Variants in CTNNA3 observed in about 807,000 individuals in gnomAD.
CTNNA3 encodes catenin alpha-3.
In CTNNA3, 76 loss-of-function variants were observed where a neutral mutation model predicts 95.7. The observed-to-expected ratio is 0.79, with a 90% CI of 0.66 to 0.96. The LOEUF (loss-of-function observed/expected upper bound fraction) is 0.96. Among genes scored for constraint, CTNNA3 ranks in the 40% least tolerant of loss-of-function variants. CTNNA3 has a pLI of 0.00. For missense variants in CTNNA3, 1,191 were observed against 1,089.8 expected, an observed-to-expected ratio of 1.09 and a Z score of -1.31; for synonymous variants, 431 against 374.4, an observed-to-expected ratio of 1.15 and a Z score of -1.74.
At chr10:66,806,533 A>C (rs1841651122) in intron 7 of CTNNA3, among the ~76,000 whole-genome samples, 1 of 151,986 alleles carries the variant, frequency 6.6e-6, no homozygotes, top group South Asian at 2.1e-4. Flanking sequence ...CTTACTTACC[A>C]AAGTTTTATT....
chr10:66,619,420 A>T lies in CTNNA3; in HGVS notation c.1374+2272T>A. 1.6e-5 allele frequency among the ~76,000 whole-genome samples: 2 copies of T among 128,718 alleles called. 1 individual carries two copies. The highest frequency in any genetic ancestry group is 3.5e-5 in the Non-Finnish European group (2 of 57,454). The allele number at this position is 128,718 out of a possible 152,430, so 84.4% of individuals were successfully genotyped here. On this transcript the variant is annotated intron_variant, in intron 10 of 17. Transcript: ENST00000433211. Reference sequence around the variant, plus strand: ...GTTCATGTCCTTTGTAGGGACGTGGATGAAGCTGGAAACCATCATTCTCAG... The same window carrying T: ...GTTCATGTCCTTTGTAGGGACGTGGTTGAAGCTGGAAACCATCATTCTCAG...
At chr10:67,121,750 G>A (rs896489759) in intron 7 of CTNNA3, among the ~76,000 whole-genome samples, 2 of 151,816 alleles carry the variant, frequency 1.3e-5, no homozygotes, top group Admixed American at 1.3e-4. Flanking sequence ...CAGCCTCAAT[G>A]TCTGCAAAAC....
At chr10:67,097,038 T>C (rs1473976139) in intron 7 of CTNNA3, among the ~76,000 whole-genome samples, 3 of 151,928 alleles carry the variant, frequency 2.0e-5, no homozygotes, top group Admixed American at 1.3e-4. Flanking sequence ...TGTGGATTAA[T>C]AGTCCAGCAT....
intron 2 of CTNNA3, among the ~76,000 whole-genome samples, chr10:67,617,344 C>T (rs1843688816): frequency 6.6e-6 from 1 of 152,026 alleles, no homozygotes; most frequent in South Asian, 2.1e-4. Flanking sequence ...TAAGTGAGCA[C>T]ACAAGTGGTA....
intron 3 of CTNNA3, among the ~76,000 whole-genome samples, chr10:67,575,409 T>C (rs1003764660): frequency 6.6e-6 from 1 of 152,286 alleles, no homozygotes; most frequent in East Asian, 1.9e-4. Context: ...TCTGGCATTT[T>C]CCCTCTTTCT....
intron 11 of CTNNA3, among the ~76,000 whole-genome samples, chr10:66,443,161 G>C (rs1346935988): frequency 6.6e-6 from 1 of 152,174 alleles, no homozygotes; most frequent in African/African-American, 2.4e-5. Context: ...CAGCGGGGAA[G>C]CTCGAACTGG....
chr10:67,668,852 T>TC (rs1840378617), intron 1 of CTNNA3, among the ~76,000 whole-genome samples: 1 of 147,146 alleles, frequency 6.8e-6, no homozygotes, highest in African/African-American at 2.5e-5. Context: ...TTTTTTTTTT[T>TC]TTTTGAGACG....
At chr10:66,885,378 T>C (rs1055700424) in intron 7 of CTNNA3, among the ~76,000 whole-genome samples, 1 of 152,164 alleles carries the variant, frequency 6.6e-6, no homozygotes, top group Admixed American at 6.6e-5. Context: ...CCTTTGCCTA[T>C]TTATCTTACA....
chr10:67,445,613 T>C (rs1846717334), intron 5 of CTNNA3, among the ~76,000 whole-genome samples: 1 of 152,152 alleles, frequency 6.6e-6, no homozygotes, highest in African/African-American at 2.4e-5. Flanking sequence ...TACCGGGGAT[T>C]AGATTTCCAA....
chr10:67,241,073 C>T (rs1413686466), intron 5 of CTNNA3, among the ~76,000 whole-genome samples: 1 of 152,124 alleles, frequency 6.6e-6, no homozygotes, highest in Non-Finnish European at 1.5e-5. Flanking sequence ...CTTAATGCAT[C>T]CTTTCCATTG....
intron 5 of CTNNA3, chr10:67,346,775 A>C (rs1281060655): frequency 4.3e-6 from 2 of 465,826 alleles, no homozygotes; most frequent in Middle Eastern, 3.4e-4. Flanking sequence ...ATTTCTGTGA[A>C]GCCTTAAAGA....
chr10:66,626,736 G>A (rs993667311), intron 9 of CTNNA3, among the ~76,000 whole-genome samples: 6 of 152,098 alleles, frequency 3.9e-5, no homozygotes, highest in African/African-American at 1.4e-4. Flanking sequence ...AAGAGAGATG[G>A]TAAGAGTAAT....
chr10:66,730,955 C>A (rs1170391369), intron 9 of CTNNA3, among the ~76,000 whole-genome samples: 2 of 152,082 alleles, frequency 1.3e-5, no homozygotes, highest in Non-Finnish European at 2.9e-5. Context: ...TAGGAAAGTA[C>A]AAAGTGATTG....
chr10:66,434,818 C>T (rs1234461498), intron 11 of CTNNA3, among the ~76,000 whole-genome samples: 1 of 152,072 alleles, frequency 6.6e-6, no homozygotes, highest in Admixed American at 6.6e-5. Flanking sequence ...AGATATGTTC[C>T]ATCAATACCT....
In CTNNA3 at chr10:66,379,202, C is replaced by T. The variant is rs374844431; in HGVS notation, c.1682G>A (p.Gly561Glu). The T allele has an allele frequency of 4.2e-5, 68 of 1,613,970 alleles. No individual in the cohort carries two copies. Among genetic ancestry groups the T allele is most frequent in the Non-Finnish European group, 5.5e-5 (65 of 1,179,990 alleles). The stretch of plus-strand genomic sequence containing the variant: ...TCTCATTACACCTTCCGTGTAAGCC[C>T]CTGGCTCGTAACTGTCCATTTCACC... ...VTGEMDSYEP[G>E]AYTEGVMRNV... The change falls in exon 12 of 18, where the codon GGG becomes GAG. Residue 561 changes from glycine to glutamate, a missense_variant. By Grantham distance (98) the Gly-to-Glu change is moderately conservative. Coordinates refer to ENST00000433211, the MANE Select transcript of CTNNA3 (RefSeq NM_013266.4).
intron 6 of CTNNA3, among the ~76,000 whole-genome samples, chr10:67,182,879 G>A (rs1862631124): frequency 6.6e-6 from 1 of 152,106 alleles, no homozygotes. Flanking sequence ...CTGGGCAAAG[G>A]ATATGAACAG....
chr10:67,033,695 C>T (rs563344446), intron 7 of CTNNA3, among the ~76,000 whole-genome samples: 2 of 152,260 alleles, frequency 1.3e-5, no homozygotes, highest in South Asian at 4.1e-4. Flanking sequence ...ACAGACAGAT[C>T]CTAAATGGTG....
intron 15 of CTNNA3, among the ~76,000 whole-genome samples, chr10:66,061,494 G>T (rs774462617): frequency 3.9e-5 from 6 of 152,032 alleles, no homozygotes; most frequent in Admixed American, 1.3e-4. Flanking sequence ...ACGCATAAAT[G>T]CCTGTCCCTC....
At chr10:66,410,478 T>C (rs2093094592) in intron 11 of CTNNA3, among the ~76,000 whole-genome samples, 1 of 152,204 alleles carries the variant, frequency 6.6e-6, no homozygotes, top group African/African-American at 2.4e-5. Flanking sequence ...GCCCTGGTAC[T>C]AGCAAACCTA....
Sources: allele counts gnomAD v4.1 joint callset (sites outside exome capture counted in the v4.1 genomes callset), GRCh38; gene constraint gnomAD v4.1.1; transcripts MANE v1.5; gene names NCBI Gene and HGNC (gene_info 2026-07-23, HGNC 2026-07-21).